FXYD3: variants seen among roughly 807,000 people sequenced by gnomAD.
FXYD3 encodes the protein FXYD domain containing ion transport regulator 3.
FXYD3 carries 13 observed loss-of-function variants against 19.2 expected under a neutral mutation model. That is an observed-to-expected ratio of 0.68 (90% CI 0.44 to 1.08). The LOEUF (loss-of-function observed/expected upper bound fraction) is 1.08, where lower values mean the gene tolerates loss of function less well. Ranked by LOEUF, FXYD3 falls within the 50% of genes least tolerant of loss-of-function variation. The pLI, the probability that FXYD3 is intolerant of heterozygous loss-of-function variation, is 0.00. For missense variants in FXYD3, 101 were observed against 109.4 expected, an observed-to-expected ratio of 0.92 and a Z score of 0.34; for synonymous variants, 48 against 38.9, an observed-to-expected ratio of 1.23 and a Z score of -0.87.
chr19:35,120,496 G>T (rs1380322445), intron 3 of FXYD3, among the ~76,000 whole-genome samples: 1 of 152,032 alleles, frequency 6.6e-6, no homozygotes, highest in Non-Finnish European at 1.5e-5. Context: ...ATCCTTCCAC[G>T]TCAGCCTCCC....
intron 3 of FXYD3, 134 bp downstream of exon 3, chr19:35,119,550 A>T (rs1284818482): frequency 2.6e-6 from 2 of 758,988 alleles, no homozygotes; most frequent in Non-Finnish European, 4.4e-6. Flanking sequence ...CCTGAGGGTA[A>T]GAAAAGTCAG....
intron 2 of FXYD3, chr19:35,117,113 T>C (rs906458260): frequency 1.4e-5 from 19 of 1,316,334 alleles, no homozygotes; most frequent in South Asian, 2.3e-5. Context: ...GCTGCCTTCC[T>C]CTCTAACCTG....
In FXYD3 at chr19:35,119,350, G is replaced by C. The variant is rs751966616; in HGVS notation, c.-14-13G>C. The C allele has an allele frequency of 1.9e-6, 3 of 1,613,856 alleles. No individual in the cohort carries two copies. The highest frequency in any genetic ancestry group is 2.5e-6 in the Non-Finnish European group (3 of 1,179,878). On this transcript the variant is annotated splice_polypyrimidine_tract_variant and intron_variant, in intron 2 of 8. Transcript: ENST00000604404. ...TGGCTCTGCTAAGGCCAGACCTCCCGCCACCCCTCTAGGCCAGCGCTCTGA... is the reference window on the plus strand; with the variant it reads ...TGGCTCTGCTAAGGCCAGACCTCCCCCCACCCCTCTAGGCCAGCGCTCTGA...
At position 35,117,503 on chromosome 19, in the gene FXYD3, G is replaced by C. The variant is rs769425477; in HGVS notation, c.-15+1144G>C. 839 of 893,668 alleles carry C rather than the reference G, an allele frequency of 9.4e-4. 1 individual carries two copies. Among genetic ancestry groups the C allele is most frequent in the Non-Finnish European group, 1.2e-3 (754 of 640,888 alleles). 55.4% of individuals were successfully genotyped at this position (893,668 alleles called of 1,614,324 possible). ...CTGCATTAAGCTGCAGAGATTGAGCGAGTAAGTGGGAAGCTGAGAAAATGC... is the reference window on the plus strand; with the variant it reads ...CTGCATTAAGCTGCAGAGATTGAGCCAGTAAGTGGGAAGCTGAGAAAATGC... On this transcript the variant is annotated intron_variant, in intron 2 of 8. Transcript: ENST00000604404.
intron 2 of FXYD3, chr19:35,117,219 C>T: frequency 7.0e-7 from 1 of 1,435,332 alleles, no homozygotes; most frequent in Non-Finnish European, 9.1e-7. Flanking sequence ...CGGCTCCCTG[C>T]AGCCTCCGGA....
intron 2 of FXYD3, chr19:35,116,896 C>T (rs2064901235): frequency 1.0e-6 from 1 of 982,492 alleles, no homozygotes; most frequent in South Asian, 4.7e-5. Context: ...CTGGGGGAAG[C>T]TTTAAATGGG....
intron 5 of FXYD3, 114 bp from the exon 6 acceptor site, chr19:35,122,651 G>A: frequency 1.3e-6 from 1 of 797,044 alleles, no homozygotes; most frequent in Non-Finnish European, 2.1e-6. Context: ...TCTTATGGCG[G>A]TGTCCCCAGC....
Position 35,122,758 on chromosome 19 carries a change from C to T in FXYD3, c.98-7C>T. 1 of 1,612,096 alleles carries T rather than the reference C, an allele frequency of 6.2e-7. No individual in the cohort carries two copies. Among genetic ancestry groups the T allele is most frequent in the Non-Finnish European group, 8.5e-7 (1 of 1,179,186 alleles). ...TGGCACTGAGGTCCCCTCCACTTTC[C>T]TCCTAGACTGGCACAGCCTCCAGGT... On this transcript the variant is annotated splice_region_variant and splice_polypyrimidine_tract_variant and intron_variant, in intron 5 of 8. Transcript: ENST00000604404.
chr19:35,119,109 G>C, intron 2 of FXYD3: 2 of 1,267,912 alleles, frequency 1.6e-6, no homozygotes, highest in Non-Finnish European at 1.1e-6. Context: ...GTTGCGGGGC[G>C]ATTCCCAGAA....
intron 3 of FXYD3, 109 bp from the exon 4 acceptor site, chr19:35,120,969 T>G: frequency 8.6e-7 from 1 of 1,164,194 alleles, no homozygotes; most frequent in South Asian, 1.4e-5. Flanking sequence ...AGGACCCCTG[T>G]CCCGCAGGAG....
At chr19:35,120,409 G>A (rs1365909632) in intron 3 of FXYD3, among the ~76,000 whole-genome samples, 2 of 152,068 alleles carry the variant, frequency 1.3e-5, no homozygotes, top group African/African-American at 4.8e-5. Context: ...CAAAGTTTTG[G>A]GATTACAGGC....
intron 5 of FXYD3, among the ~76,000 whole-genome samples, chr19:35,122,107 A>G (rs908653767): frequency 1.4e-4 from 21 of 152,164 alleles, no homozygotes; most frequent in Admixed American, 6.5e-5. Context: ...TTGGTTCAAA[A>G]GTAATTGTGG....
chr19:35,119,494 C>T, intron 3 of FXYD3, 78 bp downstream of exon 3: 2 of 1,304,518 alleles, frequency 1.5e-6, no homozygotes, highest in Admixed American at 1.7e-5. Flanking sequence ...CTCTCCTGTG[C>T]TTTTCTACCT....
At chr19:35,117,527 GC>G in intron 2 of FXYD3, 1 of 713,762 alleles carries the variant, frequency 1.4e-6, no homozygotes, top group Non-Finnish European at 2.1e-6. Flanking sequence ...CTGAGAAAAT[GC>G]CCCCATGGGG....
intron 2 of FXYD3, chr19:35,117,184 G>C: frequency 7.2e-7 from 1 of 1,394,272 alleles, no homozygotes; most frequent in Non-Finnish European, 9.3e-7. Flanking sequence ...GCCTGAATGG[G>C]GAACGTGAGG....
At chr19:35,117,461 G>A in intron 2 of FXYD3, 1 of 1,199,822 alleles carries the variant, frequency 8.3e-7, no homozygotes, top group South Asian at 2.1e-5. Flanking sequence ...TGCAATGTGG[G>A]CTAATAATAG....
chr19:35,122,896 A>G (rs1244461860), intron 6 of FXYD3, 22 bp from the exon 7 acceptor site: 1 of 1,613,552 alleles, frequency 6.2e-7, no homozygotes, highest in South Asian at 1.1e-5. Context: ...CCCTCCCCTG[A>G]CCACTCAGCT....
intron 7 of FXYD3, 32 bp from the exon 8 acceptor site, chr19:35,123,239 G>T (rs919559561): frequency 6.4e-7 from 1 of 1,561,546 alleles, no homozygotes; most frequent in African/African-American, 1.4e-5. Context: ...AAATGGGGGC[G>T]GACACCAATC....
chr19:35,123,361 T>C, intron 8 of FXYD3, 53 bp downstream of exon 8: 1 of 1,610,774 alleles, frequency 6.2e-7, no homozygotes, highest in East Asian at 2.2e-5. Context: ...TGTGTGTGTG[T>C]GTGTGTATGT....
Sources: gnomAD v4.1 joint callset for allele counts (sites outside exome capture counted in the v4.1 genomes callset) on GRCh38, gnomAD v4.1.1 for gene constraint, MANE v1.5 for transcripts, NCBI Gene and HGNC (gene_info 2026-07-23, HGNC 2026-07-21) for gene names.